The following DOT1L variants were observed in gnomAD, a reference collection of about 807,000 sequenced individuals.
DOT1L encodes DOT1 like histone lysine methyltransferase.
DOT1L carries 33 observed loss-of-function variants against 153.3 expected under a neutral mutation model. The observed-to-expected ratio is 0.22, with a 90% CI of 0.16 to 0.29. DOT1L has a LOEUF of 0.29. Ranked by LOEUF, DOT1L falls within the 10% of genes least tolerant of loss-of-function variation. DOT1L has a pLI of 1.00. For missense variants in DOT1L, 1,847 were observed against 2,119.9 expected, an observed-to-expected ratio of 0.87 and a Z score of 2.53; for synonymous variants, 1,135 against 965.1, an observed-to-expected ratio of 1.18 and a Z score of -3.26.
rs904524820 is a variant in DOT1L at position 2,191,865 on chromosome 19, C to G, written c.493+625C>G. On this transcript the variant is annotated intron_variant, in intron 5 of 27. Coordinates refer to ENST00000398665, the MANE Select transcript of DOT1L (RefSeq NM_032482.3). The surrounding 1 kb of genome is among the most constrained non-coding windows in gnomAD (Gnocchi z 6.8). ...CTTGTGAGGTGTCGTCTCCTCTCAA[C>G]CACGGGCGGGGCTCCTTGAAACGAG... Among the ~76,000 whole-genome samples, 1 of 152,226 alleles carries G rather than the reference C, an allele frequency of 6.6e-6. No individual in the cohort carries two copies. The highest frequency in any genetic ancestry group is 1.5e-5 in the Non-Finnish European group (1 of 68,040).
chr19:2,175,181 G>A (rs906096640), intron 1 of DOT1L, among the ~76,000 whole-genome samples: 4 of 151,952 alleles, frequency 2.6e-5, no homozygotes, highest in South Asian at 2.1e-4. Context: ...TATATTTTTA[G>A]TAGAGACAGG....
At chr19:2,213,136 T>C (rs574368401) in intron 16 of DOT1L, 74 of 184,126 alleles carry the variant, frequency 4.0e-4, no homozygotes, top group Non-Finnish European at 5.4e-4. Flanking sequence ...GGTCTTCCCT[T>C]GGAGGTGGGC....
At chr19:2,196,822 G>A (rs1269880715) in intron 7 of DOT1L, among the ~76,000 whole-genome samples, 1 of 152,214 alleles carries the variant, frequency 6.6e-6, no homozygotes. Flanking sequence ...GCGGTCAGCT[G>A]AGCCCCTGGC....
intron 25 of DOT1L, among the ~76,000 whole-genome samples, chr19:2,224,716 C>T (rs556382533): frequency 6.6e-6 from 1 of 152,284 alleles, no homozygotes; most frequent in South Asian, 2.1e-4. Flanking sequence ...CTTCTGCCTC[C>T]CAGTGCCTCC....
At chr19:2,218,350 C>T (rs1043137622) in intron 22 of DOT1L, among the ~76,000 whole-genome samples, 9 of 152,152 alleles carry the variant, frequency 5.9e-5, no homozygotes, top group East Asian at 1.9e-4. Flanking sequence ...AAAAATTGTG[C>T]GCTTCAAGTA....
chr19:2,215,720 G>A (rs1236186958), intron 19 of DOT1L: 1 of 152,402 alleles, frequency 6.6e-6, no homozygotes, highest in Non-Finnish European at 1.5e-5. Flanking sequence ...TTAGAGAAAC[G>A]GAGGTCGCCG....
chr19:2,194,356 A>G lies in DOT1L; in HGVS notation c.589-159A>G, dbSNP rs1034810843. On this transcript the variant is annotated intron_variant, in intron 6 of 27. Transcript: ENST00000398665. Reference sequence around the variant, plus strand: ...CAGCTAATTTTTTTGTATTTTTAGTAGAGACGGGGTTTCACCGTGTTAGCC... The same window carrying G: ...CAGCTAATTTTTTTGTATTTTTAGTGGAGACGGGGTTTCACCGTGTTAGCC... Among the ~76,000 whole-genome samples, 9 of 152,032 alleles carry G rather than the reference A, an allele frequency of 5.9e-5. No homozygotes were observed. In the East Asian group the frequency reaches 1.7e-3, roughly 29 times the overall value.
chr19:2,227,198 C>G, intron 27 of DOT1L, 71 bp downstream of exon 27: 1 of 1,554,864 alleles, frequency 6.4e-7, no homozygotes. Context: ...TGCAGGTTCC[C>G]TTCCGCACTC....
chr19:2,173,787 A>G (rs1352132218), intron 1 of DOT1L, among the ~76,000 whole-genome samples: 2 of 152,150 alleles, frequency 1.3e-5, no homozygotes, highest in South Asian at 4.1e-4. Flanking sequence ...TACGCACTTC[A>G]AGACGGGGTC....
intron 5 of DOT1L, among the ~76,000 whole-genome samples, chr19:2,192,801 A>G (rs1444493676): frequency 6.6e-6 from 1 of 152,230 alleles, no homozygotes; most frequent in African/African-American, 2.4e-5. Context: ...GCAGTGAGCC[A>G]GGATCACACC....
intron 27 of DOT1L, chr19:2,228,547 G>C: frequency 2.0e-6 from 2 of 985,408 alleles, no homozygotes; most frequent in South Asian, 9.4e-5. Flanking sequence ...AGGGACTACA[G>C]GACGGGCACC....
At chr19:2,167,004 C>T (rs1402294126) in intron 1 of DOT1L, among the ~76,000 whole-genome samples, 2 of 152,182 alleles carry the variant, frequency 1.3e-5, no homozygotes, top group African/African-American at 2.4e-5. Context: ...CGGCCAAATC[C>T]GTGTTGCTGC....
chr19:2,200,072 G>A, intron 8 of DOT1L, 133 bp downstream of exon 8: 1 of 1,197,394 alleles, frequency 8.4e-7, no homozygotes, highest in Non-Finnish European at 1.2e-6. Context: ...GGTGGGGACA[G>A]GAAGGGCGCC....
chr19:2,180,250 G>A (rs1444413516), intron 1 of DOT1L, among the ~76,000 whole-genome samples: 1 of 152,166 alleles, frequency 6.6e-6, no homozygotes, highest in Non-Finnish European at 1.5e-5. Context: ...GCCAACGCAG[G>A]ACTCCCAGCC....
At chr19:2,227,295 G>T in intron 27 of DOT1L, 168 bp downstream of exon 27, 1 of 891,532 alleles carries the variant, frequency 1.1e-6, no homozygotes, top group South Asian at 1.4e-5. Context: ...GTCCTGTGGG[G>T]AGAGGGCTCA....
At chr19:2,164,522 C>G (rs946148436) in intron 1 of DOT1L, 7 of 296,720 alleles carry the variant, frequency 2.4e-5, no homozygotes, top group African/African-American at 8.8e-5. Context: ...GCCGTTGCCC[C>G]CGCCGGGCTG....
chr19:2,209,132 G>A (rs1317420498), intron 12 of DOT1L, among the ~76,000 whole-genome samples, 156 bp downstream of exon 12: 1 of 151,866 alleles, frequency 6.6e-6, no homozygotes, highest in Non-Finnish European at 1.5e-5. Flanking sequence ...CCTCCTTCCT[G>A]CTCCTCCCCA....
At chr19:2,182,752 C>T (rs1162644320) in intron 2 of DOT1L, among the ~76,000 whole-genome samples, 2 of 152,166 alleles carry the variant, frequency 1.3e-5, no homozygotes, top group African/African-American at 2.4e-5. Context: ...GCACAGACTT[C>T]TGGGGTCAGA....
rs1568360150 is a variant in DOT1L at position 2,214,459 on chromosome 19, C to T, written c.1798-12C>T. ...CCAGCCAGTCGCAACTGTCCCATCC[C>T]TATCCCCTCAGCTCAAGGCTCGCTG... On this transcript the variant is annotated splice_polypyrimidine_tract_variant and intron_variant, in intron 18 of 27. Transcript: ENST00000398665. 3 of 1,612,272 alleles carry T rather than the reference C, an allele frequency of 1.9e-6. No homozygotes were observed. The highest frequency in any genetic ancestry group is 2.5e-6 in the Non-Finnish European group (3 of 1,179,556).
Sources: allele counts gnomAD v4.1 joint callset (sites outside exome capture counted in the v4.1 genomes callset), GRCh38; gene constraint gnomAD v4.1.1; non-coding constraint Gnocchi (gnomAD v3.1); transcripts MANE v1.5; gene names NCBI Gene and HGNC (gene_info 2026-07-23, HGNC 2026-07-21).